The following RAPGEF5 variants were observed in gnomAD, a reference collection of about 807,000 sequenced individuals.
The protein encoded by RAPGEF5 is M-Ras-regulated GEF.
RAPGEF5 carries 65 observed loss-of-function variants against 125.2 expected under a neutral mutation model. The observed-to-expected ratio is 0.52, with a 90% CI of 0.43 to 0.64. The LOEUF (loss-of-function observed/expected upper bound fraction) is 0.64, where lower values mean the gene tolerates loss of function less well. RAPGEF5 is among the 30% of genes least tolerant of loss of function. The pLI, the probability that RAPGEF5 is intolerant of heterozygous loss-of-function variation, is 0.00. For missense variants in RAPGEF5, 958 were observed against 1,048.1 expected (o/e 0.91, Z 1.19); for synonymous variants, 391 against 385.9 (o/e 1.01, Z -0.16).
chr7:22,288,024 C>A (rs189371241), intron 6 of RAPGEF5, among the ~76,000 whole-genome samples: 29 of 152,328 alleles, frequency 1.9e-4, no homozygotes, highest in Admixed American at 1.8e-3. Flanking sequence ...AAATACCACT[C>A]CAGCATCTTA....
intron 1 of RAPGEF5, among the ~76,000 whole-genome samples, chr7:22,351,688 T>C (rs1420948291): frequency 6.6e-6 from 1 of 152,248 alleles, no homozygotes; most frequent in Admixed American, 6.5e-5. Flanking sequence ...TGTTAGCCAT[T>C]GATTTCAATT....
intron 7 of RAPGEF5, among the ~76,000 whole-genome samples, chr7:22,259,886 C>T (rs1168971273): frequency 6.6e-6 from 1 of 152,208 alleles, no homozygotes; most frequent in African/African-American, 2.4e-5. Context: ...GCGTGAGCCA[C>T]CACGCCCAGC....
rs2128114887 is a variant in RAPGEF5 at position 22,167,119 on chromosome 7, A to G, written c.1234T>C (p.Tyr412His). The part of the protein sequence containing the change: ...ETLLDDFLLT[Y>H]TVFMTTDDLC... Reference sequence around the variant, plus strand: ...TCATCAGTTGTCATGAAGACAGTGTACGTGAGAAGGAAGTCATCCAGGAGG... The same window carrying G: ...TCATCAGTTGTCATGAAGACAGTGTGCGTGAGAAGGAAGTCATCCAGGAGG... Residue 412 changes from tyrosine to histidine, a missense_variant, in exon 12 of 26, where the codon TAC (tyrosine) becomes CAC (histidine). Transcript: ENST00000665637. The G allele has an allele frequency of 6.2e-7, 1 of 1,613,280 alleles. No individual in the cohort carries two copies. Among genetic ancestry groups the G allele is most frequent in the Non-Finnish European group, 8.5e-7 (1 of 1,179,522 alleles).
chr7:22,346,489 G>C (rs998388950), intron 1 of RAPGEF5, among the ~76,000 whole-genome samples: 1 of 152,078 alleles, frequency 6.6e-6, no homozygotes, highest in African/African-American at 2.4e-5. Context: ...AACATTTAGA[G>C]TGTCAGAGCA....
rs1783304274 is a variant in RAPGEF5 at position 22,142,730 on chromosome 7, T to A, written c.2186+2314A>T. 2.0e-5 allele frequency among the ~76,000 whole-genome samples: 3 copies of A among 152,212 alleles called. No individual in the cohort carries two copies. The South Asian group carries it at 6.2e-4, about 32-fold the overall frequency. On this transcript the variant is annotated intron_variant, in intron 20 of 25. Coordinates refer to ENST00000665637, the MANE Select transcript of RAPGEF5 (RefSeq NM_012294.5). ...ACATTCCAGTTCAGCAAACACTCCT[T>A]TTGTCTTTGTGTGAGGAAATAAAAT...
At chr7:22,147,220 T>C (rs1562717187) in intron 18 of RAPGEF5, among the ~76,000 whole-genome samples, 1 of 152,238 alleles carries the variant, frequency 6.6e-6, no homozygotes, top group Non-Finnish European at 1.5e-5. Context: ...ATGTGATCAA[T>C]GATACTTCAG....
intron 1 of RAPGEF5, among the ~76,000 whole-genome samples, chr7:22,340,094 T>C (rs1784097529): frequency 6.6e-6 from 1 of 152,136 alleles, no homozygotes; most frequent in South Asian, 2.1e-4. Context: ...TCCAAACTCC[T>C]GAAAAGGGCA....
At chr7:22,144,765 C>T (rs144304338) in intron 20 of RAPGEF5, among the ~76,000 whole-genome samples, 424 of 152,248 alleles carry the variant, frequency 2.8e-3, no homozygotes, top group African/African-American at 8.9e-3. Flanking sequence ...CACTGTAGTT[C>T]AGCTGCAGGA....
chr7:22,169,698 A>G (rs1181846234), intron 11 of RAPGEF5, among the ~76,000 whole-genome samples: 1 of 72,784 alleles, frequency 1.4e-5, no homozygotes, highest in East Asian at 4.2e-4. Flanking sequence ...CTACTGTTAA[A>G]AAAAAAAAAA....
At position 22,345,597 on chromosome 7, in the gene RAPGEF5, T is replaced by C. The variant is rs1276312899; in HGVS notation, c.231+11233A>G. Among the ~76,000 whole-genome samples the C allele has an allele frequency of 2.0e-5, 3 of 152,074 alleles. No individual in the cohort carries two copies. In the East Asian group the frequency reaches 5.8e-4, roughly 29 times the overall value. On this transcript the variant is annotated intron_variant, in intron 1 of 25. Coordinates refer to ENST00000665637, the MANE Select transcript of RAPGEF5 (RefSeq NM_012294.5). ...AGCGCTTTGTGAAGGTAAAGCATTATATAAACCACGACAGAGTGAACACAC... is the reference window on the plus strand; with the variant it reads ...AGCGCTTTGTGAAGGTAAAGCATTACATAAACCACGACAGAGTGAACACAC...
intron 8 of RAPGEF5, among the ~76,000 whole-genome samples, chr7:22,224,491 C>T (rs921025649): frequency 5.3e-5 from 8 of 152,196 alleles, no homozygotes; most frequent in African/African-American, 1.7e-4. Flanking sequence ...GTTTAATACA[C>T]TGTCCTGGCG....
chr7:22,230,708 T>C (rs979839808), intron 8 of RAPGEF5, 138 bp downstream of exon 8: 1 of 737,240 alleles, frequency 1.4e-6, no homozygotes, highest in Middle Eastern at 2.4e-4. Context: ...ATATCAAAAC[T>C]GAGCACTTTA....
chr7:22,239,048 A>G (rs1375349797), intron 7 of RAPGEF5, among the ~76,000 whole-genome samples: 2 of 152,216 alleles, frequency 1.3e-5, no homozygotes, highest in African/African-American at 2.4e-5. Context: ...ACTAAGAACT[A>G]AGGAATCTGA....
rs1240625206 is a variant in RAPGEF5, at chr7:22,266,967, A to G, written c.793T>C (p.Ser265Pro). 6.2e-7 allele frequency: 1 copy of G among 1,609,388 alleles called. No individual in the cohort carries two copies. The highest frequency in any genetic ancestry group is 1.1e-5 in the South Asian group (1 of 90,920). ...AAVIALKARK[S>P]AIEQDEENND... Reference sequence around the variant, plus strand: ...AGCCCCATAAAAGATGACTTACCAGACTTCCTTGCTTTCAAAGCAATAACA... The same window carrying G: ...AGCCCCATAAAAGATGACTTACCAGGCTTCCTTGCTTTCAAAGCAATAACA... Residue 265 changes from serine to proline, a missense_variant, in exon 7 of 26, where the codon TCT (serine) becomes CCT (proline). Transcript: ENST00000665637.
At chr7:22,175,328 C>T (rs1041758985) in intron 11 of RAPGEF5, among the ~76,000 whole-genome samples, 10 of 152,062 alleles carry the variant, frequency 6.6e-5, no homozygotes, top group South Asian at 2.1e-4. Flanking sequence ...TTAAAAGGAA[C>T]GAAGGATATT....
chr7:22,230,816 G>A, intron 8 of RAPGEF5, 30 bp downstream of exon 8: 2 of 1,540,440 alleles, frequency 1.3e-6, no homozygotes. Flanking sequence ...AGAAGGGTAT[G>A]ATGAGGGGCT....
At chr7:22,191,079 G>A (rs1200122744) in intron 11 of RAPGEF5, among the ~76,000 whole-genome samples, 3 of 151,982 alleles carry the variant, frequency 2.0e-5, no homozygotes, top group Non-Finnish European at 4.4e-5. Flanking sequence ...TTGATAATGA[G>A]GGTTGCTTAC....
At chr7:22,345,383 G>A (rs751091160) in intron 1 of RAPGEF5, among the ~76,000 whole-genome samples, 1 of 152,176 alleles carries the variant, frequency 6.6e-6, no homozygotes, top group Non-Finnish European at 1.5e-5. Context: ...AGGCACTGAT[G>A]ATGATGACAG....
intron 7 of RAPGEF5, among the ~76,000 whole-genome samples, chr7:22,254,997 C>A (rs1056817286): frequency 3.3e-5 from 5 of 152,042 alleles, no homozygotes; most frequent in African/African-American, 1.2e-4. Context: ...GATTGGGGAC[C>A]CCGAGTCTAA....
Sources: allele counts gnomAD v4.1 joint callset (sites outside exome capture counted in the v4.1 genomes callset), GRCh38; gene constraint gnomAD v4.1.1; transcripts MANE v1.5; gene names NCBI Gene and HGNC (gene_info 2026-07-23, HGNC 2026-07-21).